The following NUP42 variants were observed in gnomAD, a reference collection of about 807,000 sequenced individuals.
NUP42 encodes the protein nucleoporin NUP42.
Under a neutral mutation model 35.9 loss-of-function variants are expected in NUP42, and 47 were observed. The observed-to-expected ratio is 1.31, with a 90% confidence interval of 1.04 to 1.67. NUP42 has a LOEUF of 1.67. Ranked by LOEUF, NUP42 falls within the 40% of genes most tolerant of loss-of-function variation. NUP42 has a pLI of 0.00. For missense variants in NUP42, 514 were observed against 492.2 expected (o/e 1.04, Z -0.42); for synonymous variants, 173 against 173.3 (o/e 1.00, Z 0.01).
intron 1 of NUP42, among the ~76,000 whole-genome samples, chr7:23,183,742 C>CCAAAAG (rs939952451): frequency 8.3e-6 from 1 of 120,308 alleles, no homozygotes. Flanking sequence ...AGTATGAAGA[C>CCAAAAG]CAAAAGCAAT....
In NUP42 at chr7:23,182,054, T is replaced by G. The variant is rs1438218847; in HGVS notation, c.-32T>G. 1.2e-6 allele frequency: 2 copies of G among 1,611,922 alleles called. No individual in the cohort carries two copies. The highest frequency in any genetic ancestry group is 1.7e-6 in the Non-Finnish European group (2 of 1,179,832). On this transcript the variant is annotated 5_prime_UTR_variant, in exon 1 of 7. Coordinates refer to ENST00000258742, the MANE Select transcript of NUP42 (RefSeq NM_007342.3). Reference sequence around the variant, plus strand: ...GTAACAGGCATCGAACGGTGCAGACTGAAGACGCCCTCCGTCAGCGACGCC... The same window carrying G: ...GTAACAGGCATCGAACGGTGCAGACGGAAGACGCCCTCCGTCAGCGACGCC...
At position 23,200,320 on chromosome 7, in the gene NUP42, ACTT is replaced by A. The variant is rs1217849620; in HGVS notation, c.850_852del (p.Ser284del). 1.2e-6 allele frequency: 2 copies of A among 1,605,904 alleles called. No individual in the cohort carries two copies. Among genetic ancestry groups the A allele is most frequent in the African/African-American group, 2.7e-5 (2 of 74,796 alleles). The stretch of plus-strand genomic sequence containing the variant: ...AGCCTCTACCAGTTCAGGTATCTCT[ACTT>A]CTGCTCCAGCTTTTGGATTTGGGAA... On this transcript the variant is annotated inframe_deletion, in exon 7 of 7. Coordinates refer to ENST00000258742, the MANE Select transcript of NUP42 (RefSeq NM_007342.3).
In NUP42 at chr7:23,200,494, T is replaced by G. The variant is rs962542970; in HGVS notation, c.1021T>G (p.Ser341Ala). The G allele has an allele frequency of 1.5e-5, 25 of 1,614,024 alleles. No individual in the cohort carries two copies. The Middle Eastern group carries it at 4.9e-4, about 32-fold the overall frequency. The change falls in exon 7 of 7, where the codon TCT (serine) becomes GCT (alanine). Residue 341 changes from serine (S) to alanine (A), a missense_variant. Ser to Ala is a moderately conservative substitution (Grantham distance 99, BLOSUM62 1). Coordinates refer to ENST00000258742, the MANE Select transcript of NUP42 (RefSeq NM_007342.3). ...GGCCCCAGCCTTTGGAGGTGGCAGT[T>G]CTGTGGCTGGTTTTGGTAGTCCGGG... ...PVAPAFGGGS[S>A]VAGFGSPGSH...
rs1388592044 is a variant in NUP42 at position 23,200,624 on chromosome 7, A to G, written c.1151A>G (p.Asn384Ser). The G allele has an allele frequency of 1.9e-6, 3 of 1,614,026 alleles. No homozygotes were observed. The highest frequency in any genetic ancestry group is 2.5e-6 in the Non-Finnish European group (3 of 1,179,980). Residue 384 changes from asparagine to serine, a missense_variant, in exon 7 of 7, where the codon AAT (asparagine) becomes AGT (serine). Physicochemically the swap from Asn to Ser is conservative, Grantham distance 46 (BLOSUM62 1). Coordinates refer to ENST00000258742, the MANE Select transcript of NUP42 (RefSeq NM_007342.3). ...SASSSIIATD[N>S]VLFTPRDKLT... ...TCAAGCAGCATCATTGCAACAGATA[A>G]TGTGTTATTCACACCCAGAGATAAA...
At chr7:23,191,033 G>C (rs1346149402) in intron 3 of NUP42, among the ~76,000 whole-genome samples, 1 of 152,222 alleles carries the variant, frequency 6.6e-6, no homozygotes, top group South Asian at 2.1e-4. Flanking sequence ...TCAGTTATGG[G>C]AAGATTTGGG....
intron 3 of NUP42, among the ~76,000 whole-genome samples, chr7:23,193,177 C>T (rs1276893965): frequency 6.6e-6 from 1 of 152,074 alleles, no homozygotes; most frequent in East Asian, 1.9e-4. Context: ...CTCATAAAGG[C>T]AATGTGGACC....
At chr7:23,199,341 C>T (rs888404951) in intron 5 of NUP42, 117 bp from the exon 6 acceptor site, 6 of 800,068 alleles carry the variant, frequency 7.5e-6, no homozygotes, top group Admixed American at 6.0e-5. Flanking sequence ...TGTGAGCCAC[C>T]ACACCCAGCC....
intron 3 of NUP42, chr7:23,188,080 A>C (rs1348723349): frequency 1.4e-5 from 20 of 1,439,342 alleles, no homozygotes; most frequent in Non-Finnish European, 1.6e-5. Flanking sequence ...GGCTTTCCCA[A>C]GCCCACTCTG....
chr7:23,188,558 A>T (rs1714460394), intron 3 of NUP42: 1 of 982,488 alleles, frequency 1.0e-6, no homozygotes, highest in African/African-American at 1.7e-5. Context: ...TAGTTGTCAG[A>T]TAAAATATGG....
rs1786026029 is a variant in NUP42 at position 23,196,762 on chromosome 7, C to T, written c.605C>T (p.Ala202Val). ...LKSLNISTKVALLSDVKDGVN... is the reference protein window; with the variant it reads ...LKSLNISTKVVLLSDVKDGVN... ...AGTCTAAATATATCAACTAAAGTAG[C>T]TTTGGTGAGTATGGGAGAGTTTTCT... Residue 202 changes from alanine (A) to valine (V), a missense_variant, in exon 5 of 7, where the codon GCT becomes GTT. Physicochemically the swap from Ala to Val is moderately conservative, Grantham distance 64. Transcript: ENST00000258742. 6.3e-7 allele frequency: 1 copy of T among 1,595,268 alleles called. No individual in the cohort carries two copies. Among genetic ancestry groups the T allele is most frequent in the Non-Finnish European group, 8.6e-7 (1 of 1,163,342 alleles).
intron 3 of NUP42, among the ~76,000 whole-genome samples, chr7:23,191,681 A>G (rs905823276): frequency 2.6e-5 from 4 of 152,226 alleles, no homozygotes; most frequent in Non-Finnish European, 5.9e-5. Flanking sequence ...AAGTTTGCCC[A>G]ATTATAAAAG....
chr7:23,194,186 T>C (rs1287593380), intron 3 of NUP42, among the ~76,000 whole-genome samples: 1 of 152,142 alleles, frequency 6.6e-6, no homozygotes, highest in East Asian at 1.9e-4. Flanking sequence ...AGTGCAGCGG[T>C]GGGCTGAAGG....
chr7:23,190,678 T>G (rs1785758464), intron 3 of NUP42, among the ~76,000 whole-genome samples: 1 of 152,216 alleles, frequency 6.6e-6, no homozygotes, highest in Non-Finnish European at 1.5e-5. Context: ...CTTTTGTCAA[T>G]TTTGGCTTTT....
At chr7:23,183,200 C>T (rs1430238887) in intron 1 of NUP42, among the ~76,000 whole-genome samples, 2 of 152,114 alleles carry the variant, frequency 1.3e-5, no homozygotes, top group Non-Finnish European at 2.9e-5. Context: ...TCGGTGCTGT[C>T]TCCCTTCCTT....
At chr7:23,191,317 T>G (rs1300132009) in intron 3 of NUP42, among the ~76,000 whole-genome samples, 1 of 152,158 alleles carries the variant, frequency 6.6e-6, no homozygotes, top group East Asian at 1.9e-4. Flanking sequence ...GAGAAAGGTC[T>G]GTTGGGAGCC....
At chr7:23,197,782 ATTTG>A (rs548576024) in intron 5 of NUP42, among the ~76,000 whole-genome samples, 191 of 152,156 alleles carry the variant, frequency 1.3e-3, no homozygotes, top group African/African-American at 4.1e-3. Context: ...TATGGATATA[ATTTG>A]TTTATCATCT....
intron 3 of NUP42, among the ~76,000 whole-genome samples, chr7:23,189,291 ATC>A (rs1488569457): frequency 1.3e-5 from 2 of 152,204 alleles, no homozygotes; most frequent in Non-Finnish European, 2.9e-5. Flanking sequence ...AGTACTTAAA[ATC>A]TCTTCTGATT....
In NUP42 at chr7:23,187,885, C is replaced by T. The variant is rs1435189150; in HGVS notation, c.445+739C>T. On this transcript the variant is annotated intron_variant, in intron 3 of 6. Coordinates refer to ENST00000258742, the MANE Select transcript of NUP42 (RefSeq NM_007342.3). ...GCTCCTAAAGTGCTGGGATTATAGG[C>T]GTGAGCCACCACACCTGGCCTGGAA... The T allele has an allele frequency of 5.4e-5, 25 of 462,180 alleles. No homozygotes were observed. In the East Asian group the frequency reaches 7.2e-4, roughly 13 times the overall value. The allele number at this position is 462,180 out of a possible 1,614,324, so 28.6% of individuals were successfully genotyped here. A position where few individuals can be genotyped will look rare whatever the true frequency, so the allele number is the denominator to read the frequency against.
At position 23,188,206 on chromosome 7, in the gene NUP42, C is replaced by T. The variant is rs1320650306; in HGVS notation, c.445+1060C>T. The T allele has an allele frequency of 1.1e-5, 14 of 1,258,106 alleles. No homozygotes were observed. The South Asian group carries it at 3.6e-4, about 33-fold the overall frequency. 77.9% of individuals were successfully genotyped at this position (1,258,106 alleles called of 1,614,324 possible). On this transcript the variant is annotated intron_variant, in intron 3 of 6. Coordinates refer to ENST00000258742, the MANE Select transcript of NUP42 (RefSeq NM_007342.3). ...TTCCTCTGTCTCAGTTCTAGTTGCTCATTTTCTGTGAGCATTTGCATTACA... is the reference window on the plus strand; with the variant it reads ...TTCCTCTGTCTCAGTTCTAGTTGCTTATTTTCTGTGAGCATTTGCATTACA...
Sources: allele counts gnomAD v4.1 joint callset (sites outside exome capture counted in the v4.1 genomes callset), GRCh38; gene constraint gnomAD v4.1.1; transcripts MANE v1.5; gene names NCBI Gene and HGNC (gene_info 2026-07-23, HGNC 2026-07-21).